Variants in C5orf47 observed in about 807,000 individuals in gnomAD.
The protein encoded by C5orf47 is chromosome 5 open reading frame 47, also known as uncharacterized protein C5orf47.
Under a neutral mutation model 20.6 loss-of-function variants are expected in C5orf47, and 20 were observed. The observed-to-expected ratio is 0.97, with a 90% CI of 0.68 to 1.41. C5orf47 has a LOEUF of 1.41. C5orf47 is among the 40% of genes most tolerant of loss of function. The pLI, the probability that C5orf47 is intolerant of heterozygous loss-of-function variation, is 0.00. For missense variants in C5orf47, 262 were observed against 238.4 expected (o/e 1.10, Z -0.65); for synonymous variants, 106 against 97.3 (o/e 1.09, Z -0.53).
chr5:173,989,546 G>A lies in C5orf47; in HGVS notation c.283G>A (p.Ala95Thr). Residue 95 changes from alanine (A) to threonine (T), a missense_variant, in exon 1 of 5, where the codon GCA (alanine) becomes ACA (threonine). Physicochemically the swap from Ala to Thr is moderately conservative, Grantham distance 58. Coordinates refer to ENST00000340147, the MANE Select transcript of C5orf47 (RefSeq NM_001144954.2). Reference sequence around the variant, plus strand: ...GGCCTCTGCCTCCTCCCAGCTGCGGGCATCGAGAGTTCAGAGCGGCACCAG... The same window carrying A: ...GGCCTCTGCCTCCTCCCAGCTGCGGACATCGAGAGTTCAGAGCGGCACCAG... ...AAASASSQLR[A>T]SRVQSGTRQS... 1 of 1,516,506 alleles carries A rather than the reference G, an allele frequency of 6.6e-7. No homozygotes were observed. Among genetic ancestry groups the A allele is most frequent in the Non-Finnish European group, 8.8e-7 (1 of 1,132,178 alleles). The allele number at this position is 1,516,506 out of a possible 1,614,324, so 93.9% of individuals were successfully genotyped here. A position where few individuals can be genotyped will look rare whatever the true frequency, so the allele number is the denominator to read the frequency against.
At chr5:174,006,296 A>G (rs2113379534), downstream of C5orf47, among the ~76,000 whole-genome samples, 1 of 152,310 alleles carries the variant, frequency 6.6e-6, no homozygotes, top group South Asian at 2.1e-4. Flanking sequence ...TTTGCAACTT[A>G]CGGTTTGGGT....
At position 173,989,198 on chromosome 5, in the gene C5orf47, G is replaced by A; in HGVS notation, c.-66G>A. 2.3e-6 allele frequency: 3 copies of A among 1,332,414 alleles called. No homozygotes were observed. Among genetic ancestry groups the A allele is most frequent in the Non-Finnish European group, 2.9e-6 (3 of 1,040,320 alleles). 82.5% of individuals were successfully genotyped at this position (1,332,414 alleles called of 1,614,324 possible). On this transcript the variant is annotated 5_prime_UTR_variant, in exon 1 of 5. The change creates a new upstream start codon in the 5' untranslated region. Transcript: ENST00000340147. The stretch of plus-strand genomic sequence containing the variant: ...CGCTCCCGCATCCCTCGCCTGCACA[G>A]TGGGCAGTCTGGCGCCTGTGGCGTC...
chr5:173,997,106 CT>C (rs1759112346), intron 1 of C5orf47, among the ~76,000 whole-genome samples: 1 of 152,120 alleles, frequency 6.6e-6, no homozygotes, highest in Non-Finnish European at 1.5e-5. Context: ...TACTGGATCT[CT>C]AGTGAATAAT....
At chr5:174,001,855 C>A (rs186184102) in intron 4 of C5orf47, among the ~76,000 whole-genome samples, 1 of 152,230 alleles carries the variant, frequency 6.6e-6, no homozygotes, top group Non-Finnish European at 1.5e-5. Context: ...TACCCTTGAC[C>A]TCTGGTTATG....
chr5:173,989,655 C>T (rs990097097), intron 1 of C5orf47, 67 bp downstream of exon 1: 14 of 1,280,580 alleles, frequency 1.1e-5, no homozygotes, highest in Middle Eastern at 2.6e-4. Context: ...GGCTCAGCTG[C>T]TGGGCGCCAT....
At chr5:173,999,382 T>C (rs992761006) in intron 2 of C5orf47, among the ~76,000 whole-genome samples, 5 of 152,206 alleles carry the variant, frequency 3.3e-5, no homozygotes, top group African/African-American at 1.2e-4. Flanking sequence ...TTTTTAAAAT[T>C]AGCTTTCAGA....
chr5:173,991,836 T>A (rs1759003527), intron 1 of C5orf47, among the ~76,000 whole-genome samples: 1 of 152,228 alleles, frequency 6.6e-6, no homozygotes, highest in Non-Finnish European at 1.5e-5. Context: ...GAATTAGGAA[T>A]TTTTCCTTTT....
rs1759281046 is a variant in C5orf47 at position 174,005,762 on chromosome 5, A to G, written c.*1508A>G. On this transcript the variant is annotated 3_prime_UTR_variant, in exon 5 of 5. Coordinates refer to ENST00000340147, the MANE Select transcript of C5orf47 (RefSeq NM_001144954.2). ...TTTAGGTTTGCTTCAATGTATGTTT[A>G]TATTTATGTGACTTATACAACTTGA... The G allele has an allele frequency of 6.6e-6, 1 of 152,216 alleles. No homozygotes were observed. Among genetic ancestry groups the G allele is most frequent in the Non-Finnish European group, 1.5e-5 (1 of 68,022 alleles). 9.4% of individuals were successfully genotyped at this position (152,216 alleles called of 1,614,324 possible).
downstream of C5orf47, among the ~76,000 whole-genome samples, chr5:174,007,055 C>CA (rs1192371201): frequency 6.7e-6 from 1 of 149,570 alleles, no homozygotes; most frequent in African/African-American, 2.4e-5. Flanking sequence ...CTGAGACTCT[C>CA]ACAGTGGGCC....
chr5:174,000,191 T>C (rs1759170609), intron 3 of C5orf47, among the ~76,000 whole-genome samples: 1 of 152,154 alleles, frequency 6.6e-6, no homozygotes, highest in Non-Finnish European at 1.5e-5. Flanking sequence ...CTTCATGTAG[T>C]CATTTCCTCT....
intron 4 of C5orf47, among the ~76,000 whole-genome samples, chr5:174,002,978 A>T (rs1455380398): frequency 1.3e-5 from 2 of 152,080 alleles, no homozygotes; most frequent in Non-Finnish European, 1.5e-5. Context: ...CATGTTATGA[A>T]TTTTTTGGCT....
chr5:174,004,251 T>G lies in C5orf47; in HGVS notation c.*17-20T>G, dbSNP rs890496407. ...TATTTTATATTAACAAGAACTCAAT[T>G]TTGTCATTTTTAAATTTAGGAATAA... On this transcript the variant is annotated intron_variant, in intron 4 of 4. Coordinates refer to ENST00000340147, the MANE Select transcript of C5orf47 (RefSeq NM_001144954.2). 2.0e-5 allele frequency: 3 copies of G among 152,292 alleles called. No individual in the cohort carries two copies. The highest frequency in any genetic ancestry group is 7.2e-5 in the African/African-American group (3 of 41,454). 9.4% of individuals were successfully genotyped at this position (152,292 alleles called of 1,614,324 possible). A position where few individuals can be genotyped will look rare whatever the true frequency, so the allele number is the denominator to read the frequency against.
chr5:173,989,781 G>T, intron 1 of C5orf47, among the ~76,000 whole-genome samples, 193 bp downstream of exon 1: 1 of 152,188 alleles, frequency 6.6e-6, no homozygotes, highest in East Asian at 1.9e-4. Flanking sequence ...TGGCCGGCAC[G>T]GGCACCTGAC....
chr5:173,992,488 A>G (rs1304705154), intron 1 of C5orf47, among the ~76,000 whole-genome samples: 1 of 151,998 alleles, frequency 6.6e-6, no homozygotes, highest in Non-Finnish European at 1.5e-5. Context: ...TCTGCTTTTA[A>G]TATTATTATT....
At chr5:174,008,706 C>A (rs919130504), downstream of C5orf47, among the ~76,000 whole-genome samples, 1 of 151,502 alleles carries the variant, frequency 6.6e-6, no homozygotes, top group Non-Finnish European at 1.5e-5. Flanking sequence ...GTGGCGGGCG[C>A]CTGTAAGTCC....
rs1759253650 is a variant in C5orf47 at position 174,004,545 on chromosome 5, A to G, written c.*291A>G. 1 of 152,316 alleles carries G rather than the reference A, an allele frequency of 6.6e-6. No homozygotes were observed. The highest frequency in any genetic ancestry group is 1.5e-5 in the Non-Finnish European group (1 of 68,024). 9.4% of individuals were successfully genotyped at this position (152,316 alleles called of 1,614,324 possible). On this transcript the variant is annotated 3_prime_UTR_variant, in exon 5 of 5. Transcript: ENST00000340147. ...CTTTTAAATTAACCTCATACATAAA[A>G]TTAAATTAGCATATCAATGCAATTG...
At chr5:174,006,718 A>G (rs1446730205), downstream of C5orf47, among the ~76,000 whole-genome samples, 1 of 152,104 alleles carries the variant, frequency 6.6e-6, no homozygotes, top group Admixed American at 6.5e-5. Flanking sequence ...CTAGTGCAGC[A>G]TTTTATTTTA....
intron 1 of C5orf47, among the ~76,000 whole-genome samples, chr5:173,997,551 G>A (rs1238095347): frequency 6.6e-6 from 1 of 152,152 alleles, no homozygotes; most frequent in Non-Finnish European, 1.5e-5. Flanking sequence ...TCAGAGCCTA[G>A]TGGAGGAAAC....
Position 173,989,314 on chromosome 5 carries a change from T to C in C5orf47, c.51T>C (p.Tyr17=), listed in dbSNP as rs1758929654. The change falls in exon 1 of 5, where the codon TAT becomes TAC. Residue 17 remains tyrosine (Y), a synonymous_variant. Coordinates refer to ENST00000340147, the MANE Select transcript of C5orf47 (RefSeq NM_001144954.2). ...GREQDSARFV[Y]VTRFGSHQCS... is the part of the protein sequence containing the mutation. ...AGCAGGACTCGGCGCGCTTCGTCTA[T>C]GTGACGCGCTTCGGCTCGCATCAGT... 2.8e-6 allele frequency: 4 copies of C among 1,417,672 alleles called. No individual in the cohort carries two copies. Among genetic ancestry groups the C allele is most frequent in the Non-Finnish European group, 2.8e-6 (3 of 1,079,990 alleles). The allele number at this position is 1,417,672 out of a possible 1,614,324, so 87.8% of individuals were successfully genotyped here.
Sources: allele counts gnomAD v4.1 joint callset (sites outside exome capture counted in the v4.1 genomes callset), GRCh38; gene constraint gnomAD v4.1.1; transcripts MANE v1.5; gene names NCBI Gene and HGNC (gene_info 2026-07-23, HGNC 2026-07-21).